The following COG6 variants were observed in gnomAD, a reference collection of about 807,000 sequenced individuals.
The protein encoded by COG6 is conserved oligomeric Golgi complex subunit 6.
COG6 carries 74 observed loss-of-function variants against 88.8 expected under a neutral mutation model. The ratio of observed to expected loss-of-function variants is 0.83; its 90% CI spans 0.69 to 1.01. The LOEUF (loss-of-function observed/expected upper bound fraction) is 1.01, where lower values mean the gene tolerates loss of function less well. COG6 is among the 50% of genes least tolerant of loss of function. COG6 has a pLI of 0.00. For missense variants in COG6, 800 were observed against 797.9 expected, an observed-to-expected ratio of 1.00 and a Z score of -0.03; for synonymous variants, 286 against 278.7, an observed-to-expected ratio of 1.03 and a Z score of -0.26.
chr13:39,722,482 T>C (rs1878898090), intron 15 of COG6, among the ~76,000 whole-genome samples: 1 of 151,866 alleles, frequency 6.6e-6, no homozygotes. Flanking sequence ...GCTTGGAAAA[T>C]GGCAATCATT....
At chr13:39,729,375 T>A (rs2138097081) in intron 18 of COG6, among the ~76,000 whole-genome samples, 1 of 152,346 alleles carries the variant, frequency 6.6e-6, no homozygotes, top group African/African-American at 2.4e-5. Context: ...GAGCTGCTGC[T>A]GTAAAGGAAA....
At chr13:39,777,859 A>G (rs1881510647) in intron 18 of COG6, among the ~76,000 whole-genome samples, 2 of 152,212 alleles carry the variant, frequency 1.3e-5, no homozygotes, top group South Asian at 4.1e-4. Flanking sequence ...TTACTTACTG[A>G]CAGCAGTCTA....
At position 39,751,633 on chromosome 13, in the gene COG6, C is replaced by T; in HGVS notation, c.*540C>T. On this transcript the variant is annotated 3_prime_UTR_variant, in exon 19 of 19. Coordinates refer to ENST00000455146, the MANE Select transcript of COG6 (RefSeq NM_020751.3). ...AGAGAGAAAAATAACAGTGAATGTG[C>T]TCCTGGTGTATATGGCAGTGAATCT... 1 of 1,286,956 alleles carries T rather than the reference C, an allele frequency of 7.8e-7. No individual in the cohort carries two copies. Among genetic ancestry groups the T allele is most frequent in the Non-Finnish European group, 1.0e-6 (1 of 988,564 alleles). The allele number at this position is 1,286,956 out of a possible 1,614,324, so 79.7% of individuals were successfully genotyped here. A position where few individuals can be genotyped will look rare whatever the true frequency, so the allele number is the denominator to read the frequency against.
intron 13 of COG6, among the ~76,000 whole-genome samples, chr13:39,701,750 G>A (rs1349725087): frequency 2.0e-5 from 3 of 151,880 alleles, no homozygotes; most frequent in South Asian, 2.1e-4. Context: ...GTTGTAGTAC[G>A]TAGAAAAGTT....
At chr13:39,711,584 T>C (rs1325489719) in intron 13 of COG6, among the ~76,000 whole-genome samples, 2 of 152,146 alleles carry the variant, frequency 1.3e-5, no homozygotes, top group African/African-American at 4.8e-5. Flanking sequence ...AAATTTGATA[T>C]TATTCCTTCC....
At chr13:39,754,032 T>A (rs1880752834), downstream of COG6, among the ~76,000 whole-genome samples, 1 of 152,200 alleles carries the variant, frequency 6.6e-6, no homozygotes, top group South Asian at 2.1e-4. Context: ...TTTGTTGAAC[T>A]CTCAGTGTCA....
chr13:39,660,811 A>T lies in COG6; in HGVS notation c.299A>T (p.Glu100Val), dbSNP rs866336771. 1.0e-5 allele frequency: 16 copies of T among 1,600,262 alleles called. No homozygotes were observed. The Middle Eastern group carries it at 1.7e-3, about 166-fold the overall frequency. Reference sequence around the variant, plus strand: ...TGATGTTACTTTTCTTCTTTTCAGGAACTTGAAAGCATAAGCGAAGATGTT... The same window carrying T: ...TGATGTTACTTTTCTTCTTTTCAGGTACTTGAAAGCATAAGCGAAGATGTT... ...FVSIFKEVKE[E>V]LESISEDVQA... is the part of the protein sequence containing the mutation. Residue 100 changes from glutamate to valine, a missense_variant and splice_region_variant, in exon 3 of 19, where the codon GAA (glutamate) becomes GTA (valine). Physicochemically the swap from Glu to Val is moderately radical, Grantham distance 121 (BLOSUM62 -2). Transcript: ENST00000455146.
chr13:39,752,638 G>A, downstream of COG6: 2 of 1,257,162 alleles, frequency 1.6e-6, no homozygotes, highest in Non-Finnish European at 2.1e-6. Context: ...TTCTAGAGCA[G>A]CAATTATTGC....
At position 39,751,102 on chromosome 13, in the gene COG6, T is replaced by TTTCA. The variant is rs1566039277; in HGVS notation, c.*12_*15dup. On this transcript the variant is annotated 3_prime_UTR_variant, in exon 19 of 19. Coordinates refer to ENST00000455146, the MANE Select transcript of COG6 (RefSeq NM_020751.3). ...AGACGCTTCTTTCCTGATTATCTTATTTCATTGTGTTAGCAAAATATGACC... is the reference window on the plus strand; with the variant it reads ...AGACGCTTCTTTCCTGATTATCTTATTTCATTCATTGTGTTAGCAAAATATGACC... The TTTCA allele has an allele frequency of 6.2e-7, 1 of 1,613,352 alleles. No homozygotes were observed. The highest frequency in any genetic ancestry group is 8.5e-7 in the Non-Finnish European group (1 of 1,179,560).
At chr13:39,724,430 A>G in intron 16 of COG6, 78 bp from the exon 17 acceptor site, 7 of 1,127,524 alleles carry the variant, frequency 6.2e-6, no homozygotes, top group South Asian at 5.3e-5. Context: ...CTAATGAACT[A>G]TATTCAGTAA....
chr13:39,677,912 A>G (rs1375132231), intron 5 of COG6, among the ~76,000 whole-genome samples: 1 of 152,164 alleles, frequency 6.6e-6, no homozygotes, highest in Admixed American at 6.5e-5. Context: ...TGCTTTGATT[A>G]TCTATGTTAA....
chr13:39,723,591 G>A (rs1402636615), intron 16 of COG6, 151 bp downstream of exon 16: 5 of 645,994 alleles, frequency 7.7e-6, no homozygotes, highest in Non-Finnish European at 8.5e-6. Context: ...TTCCTTACCT[G>A]TGGATTGGGG....
chr13:39,655,964 G>T, intron 1 of COG6, 85 bp downstream of exon 1: 20 of 1,490,508 alleles, frequency 1.3e-5, no homozygotes, highest in Non-Finnish European at 1.8e-5. Flanking sequence ...GACCCACCGC[G>T]GTCTCCCTCG....
rs1277302600 is a variant in COG6 at position 39,739,213 on chromosome 13, A to C, written c.1826+11665A>C. The stretch of plus-strand genomic sequence containing the variant: ...CTAGAAAGTTCCTAGCAAGAACTAG[A>C]AAAGTCATAGCAAGTTTTTCTTTAT... On this transcript the variant is annotated intron_variant, in intron 18 of 18. Transcript: ENST00000455146. 7.2e-5 allele frequency among the ~76,000 whole-genome samples: 11 copies of C among 152,138 alleles called. No individual in the cohort carries two copies. The East Asian group carries it at 2.1e-3, about 29-fold the overall frequency.
intron 18 of COG6, among the ~76,000 whole-genome samples, chr13:39,761,802 A>G (rs553306476): frequency 3.5e-4 from 53 of 151,882 alleles, no homozygotes; most frequent in African/African-American, 1.3e-3. Flanking sequence ...GCTAATCATC[A>G]GGGAAATGCA....
chr13:39,774,569 A>G (rs1881409255), intron 18 of COG6, among the ~76,000 whole-genome samples: 1 of 151,736 alleles, frequency 6.6e-6, no homozygotes, highest in South Asian at 2.1e-4. Flanking sequence ...GTTGGAAAAA[A>G]ATTTCTTTTT....
intron 3 of COG6, among the ~76,000 whole-genome samples, chr13:39,664,759 A>G (rs1215120816): frequency 6.6e-6 from 1 of 152,236 alleles, no homozygotes; most frequent in Non-Finnish European, 1.5e-5. Context: ...TCTCAGTTCA[A>G]CACGTCCATA....
rs188843653 is a variant in COG6, at chr13:39,687,658, A to G, written c.917+27A>G. On this transcript the variant is annotated intron_variant, in intron 9 of 18. Coordinates refer to ENST00000455146, the MANE Select transcript of COG6 (RefSeq NM_020751.3). ...TATAGTAATCAGACAGCAGAAGAGG[A>G]GTTGATGTTTTTCCAAAGGAAATCT... 1.8e-4 allele frequency: 285 copies of G among 1,613,838 alleles called. 2 individuals are homozygous for G. In the East Asian group the frequency reaches 2.2e-3, roughly 12 times the overall value.
intron 13 of COG6, among the ~76,000 whole-genome samples, chr13:39,716,517 A>T (rs1389659890): frequency 2.0e-5 from 3 of 151,832 alleles, no homozygotes; most frequent in Non-Finnish European, 2.9e-5. Context: ...GTAGAGTAGG[A>T]TTTATGTCTG....
Sources: allele counts gnomAD v4.1 joint callset (sites outside exome capture counted in the v4.1 genomes callset), GRCh38; gene constraint gnomAD v4.1.1; transcripts MANE v1.5; gene names NCBI Gene and HGNC (gene_info 2026-07-23, HGNC 2026-07-21).